The following IQCH variants were observed in gnomAD, a reference collection of about 807,000 sequenced individuals.
IQCH encodes the protein IQ domain-containing protein H.
In IQCH, 98 loss-of-function variants were observed where a neutral mutation model predicts 117.0. The observed-to-expected ratio is 0.84, with a 90% CI of 0.71 to 0.99. The LOEUF (loss-of-function observed/expected upper bound fraction) is 0.99, where lower values mean the gene tolerates loss of function less well. Ranked by LOEUF, IQCH falls within the 50% of genes least tolerant of loss-of-function variation. The pLI is 0.00. For missense variants in IQCH, 1,102 were observed against 1,243.8 expected, an observed-to-expected ratio of 0.89 and a Z score of 1.72; for synonymous variants, 412 against 448.2, an observed-to-expected ratio of 0.92 and a Z score of 1.02.
In IQCH at chr15:67,494,525, G is replaced by C. The variant is rs1247968615; in HGVS notation, c.2970+159G>C. On this transcript the variant is annotated intron_variant, in intron 20 of 20. Transcript: ENST00000335894. The surrounding 1 kb of genome is among the most constrained non-coding windows in gnomAD (Gnocchi z 5.5). ...TCAATACTGTAAGGTTCCCACTGAG[G>C]CTGTTAGTTAAATTTAATAGTTTGA... Among the ~76,000 whole-genome samples, 3 of 152,082 alleles carry C rather than the reference G, an allele frequency of 2.0e-5. No homozygotes were observed. Among genetic ancestry groups the C allele is most frequent in the Admixed American group, 1.3e-4 (2 of 15,252 alleles).
rs918577284 is a variant in IQCH at position 67,493,361 on chromosome 15, A to C, written c.2862-897A>C. On this transcript the variant is annotated intron_variant, in intron 19 of 20. Coordinates refer to ENST00000335894, the MANE Select transcript of IQCH (RefSeq NM_001031715.3). The surrounding 1 kb of genome is among the most constrained non-coding windows in gnomAD (Gnocchi z 5.1). ...TCACTATACCACAAAGCCTACACTGAGTGACCACCTTATATAGGGAGCCCT... is the reference window on the plus strand; with the variant it reads ...TCACTATACCACAAAGCCTACACTGCGTGACCACCTTATATAGGGAGCCCT... Among the ~76,000 whole-genome samples, 1 of 152,220 alleles carries C rather than the reference A, an allele frequency of 6.6e-6. No individual in the cohort carries two copies. Among genetic ancestry groups the C allele is most frequent in the Non-Finnish European group, 1.5e-5 (1 of 68,032 alleles).
chr15:67,330,937 C>T (rs1204759477), intron 4 of IQCH, among the ~76,000 whole-genome samples: 1 of 152,090 alleles, frequency 6.6e-6, no homozygotes, highest in Non-Finnish European at 1.5e-5. Context: ...AGGCTTACCC[C>T]CATCCAAGCC....
rs112871154 is a variant in IQCH, at chr15:67,348,355, T to TCTCA, written c.637+4165_637+4166insTCAC. On this transcript the variant is annotated intron_variant, in intron 6 of 20. Coordinates refer to ENST00000335894, the MANE Select transcript of IQCH (RefSeq NM_001031715.3). ...TTACTGCATAGAAATTCGCAAGCCA[T>TCTCA]CACACACACACACACACACACACAC... 2.7e-5 allele frequency among the ~76,000 whole-genome samples: 4 copies of TCTCA among 147,780 alleles called. 1 individual carries two copies. Among genetic ancestry groups the TCTCA allele is most frequent in the African/African-American group, 7.4e-5 (3 of 40,528 alleles).
At position 67,458,335 on chromosome 15, in the gene IQCH, C is replaced by T. The variant is rs1344006472; in HGVS notation, c.2506-6792C>T. Among the ~76,000 whole-genome samples the T allele has an allele frequency of 1.3e-5, 2 of 152,200 alleles. No individual in the cohort carries two copies. Among genetic ancestry groups the T allele is most frequent in the African/African-American group, 4.8e-5 (2 of 41,438 alleles). ...CCTTTGGCTCCTTTTTCTCATACTG[C>T]ACATCCAATCCATCAATAAGTCCTT... On this transcript the variant is annotated intron_variant, in intron 16 of 20. Coordinates refer to ENST00000335894, the MANE Select transcript of IQCH (RefSeq NM_001031715.3). This position sits in a 1 kb window ranked among gnomAD's most constrained non-coding sequence, Gnocchi z 4.1.
chr15:67,436,358 T>A lies in IQCH; in HGVS notation c.2505+14781T>A, dbSNP rs953876533. On this transcript the variant is annotated intron_variant, in intron 16 of 20. Transcript: ENST00000335894. This position sits in a 1 kb window ranked among gnomAD's most constrained non-coding sequence, Gnocchi z 5.1. ...GTTTCTCACTTTACCCGGAGCTGAGTCAATTTAGAGAGCCAAGGGAAATAC... is the reference window on the plus strand; with the variant it reads ...GTTTCTCACTTTACCCGGAGCTGAGACAATTTAGAGAGCCAAGGGAAATAC... Among the ~76,000 whole-genome samples, 1 of 151,848 alleles carries A rather than the reference T, an allele frequency of 6.6e-6. No homozygotes were observed. Among genetic ancestry groups the A allele is most frequent in the Non-Finnish European group, 1.5e-5 (1 of 67,982 alleles).
At position 67,436,292 on chromosome 15, in the gene IQCH, A is replaced by C. The variant is rs966501159; in HGVS notation, c.2505+14715A>C. On this transcript the variant is annotated intron_variant, in intron 16 of 20. Transcript: ENST00000335894. This position sits in a 1 kb window ranked among gnomAD's most constrained non-coding sequence, Gnocchi z 5.1. ...GGAGACCCTCCTCTCTCAAACACAC[A>C]CCCCCGCACTGGAGAAGCTGAAGGT... Among the ~76,000 whole-genome samples the C allele has an allele frequency of 2.6e-5, 4 of 151,724 alleles. No homozygotes were observed. The highest frequency in any genetic ancestry group is 6.6e-5 in the Admixed American group (1 of 15,238).
intron 5 of IQCH, among the ~76,000 whole-genome samples, chr15:67,339,244 TA>T (rs1343236105): frequency 2.6e-5 from 4 of 152,176 alleles, no homozygotes; most frequent in Non-Finnish European, 4.4e-5. Context: ...CATGGTGTTT[TA>T]TTAAACATGG....
Position 67,261,375 on chromosome 15 carries a change from G to C in IQCH, c.155G>C (p.Arg52Thr). The C allele has an allele frequency of 3.1e-6, 5 of 1,589,834 alleles. No individual in the cohort carries two copies. The highest frequency in any genetic ancestry group is 4.3e-6 in the Non-Finnish European group (5 of 1,173,306). ...CAGAGTCTTGAAACAGCAATCAAAA[G>C]GACTGAAGTGGGGTTAAGAGTAAGT... ...DIQSLETAIKRTEVGLRIHIE... is the reference protein window; with the variant it reads ...DIQSLETAIKTTEVGLRIHIE... Residue 52 changes from arginine to threonine, a missense_variant, in exon 2 of 21, where the codon AGG (arginine) becomes ACG (threonine). Arg to Thr is a moderately conservative substitution (Grantham distance 71). Transcript: ENST00000335894.
intron 3 of IQCH, among the ~76,000 whole-genome samples, chr15:67,269,249 C>A (rs571959643): frequency 1.3e-5 from 2 of 152,204 alleles, no homozygotes; most frequent in South Asian, 2.1e-4. Context: ...ACAAATTAAA[C>A]CACTATAATA....
chr15:67,362,050 T>C lies in IQCH; in HGVS notation c.753+2165T>C, dbSNP rs188516284. Among the ~76,000 whole-genome samples, 280 of 152,146 alleles carry C rather than the reference T, an allele frequency of 1.8e-3. 4 individuals carry two copies. The highest frequency in any genetic ancestry group is 6.6e-3 in the African/African-American group (273 of 41,538). On this transcript the variant is annotated intron_variant, in intron 8 of 20. Transcript: ENST00000335894. ...GGAGTACAGACCAACTTCATGAGTG[T>C]GTTTGCTTCTGGGAACAGGAAGAAA...
rs1009352753 is a variant in IQCH at position 67,356,328 on chromosome 15, G to T, written c.638-1017G>T. 1.3e-5 allele frequency among the ~76,000 whole-genome samples: 2 copies of T among 152,158 alleles called. No homozygotes were observed. The highest frequency in any genetic ancestry group is 4.8e-5 in the African/African-American group (2 of 41,444). On this transcript the variant is annotated intron_variant, in intron 6 of 20. Transcript: ENST00000335894. The surrounding 1 kb of genome is among the most constrained non-coding windows in gnomAD (Gnocchi z 5.3). ...GGGAAACCAGAGGGTTGTAAAAATG[G>T]GTTGATCAAATGCAACAAAGAAATC...
intron 1 of IQCH, among the ~76,000 whole-genome samples, chr15:67,259,914 A>G (rs1227863687): frequency 1.3e-5 from 2 of 152,230 alleles, no homozygotes; most frequent in African/African-American, 4.8e-5. Flanking sequence ...TTACATGACA[A>G]TTTGTGAAGA....
chr15:67,347,758 A>G (rs531941843), intron 6 of IQCH, among the ~76,000 whole-genome samples: 5 of 149,558 alleles, frequency 3.3e-5, no homozygotes, highest in African/African-American at 1.2e-4. Flanking sequence ...TAGATACAAA[A>G]GTCCTTCACA....
intron 4 of IQCH, among the ~76,000 whole-genome samples, chr15:67,323,239 ATTTTTTT>A (rs578260011): frequency 2.0e-5 from 2 of 98,904 alleles, no homozygotes; most frequent in Admixed American, 1.2e-4. Flanking sequence ...TTAGGGTTAC[ATTTTTTT>A]TTTTTTTTTT....
chr15:67,264,635 G>A (rs1420981505), intron 3 of IQCH, among the ~76,000 whole-genome samples: 1 of 152,094 alleles, frequency 6.6e-6, no homozygotes, highest in East Asian at 1.9e-4. Flanking sequence ...CAGTCATTTT[G>A]TAACCTAATC....
intron 16 of IQCH, among the ~76,000 whole-genome samples, chr15:67,464,577 A>T (rs1318360797): frequency 6.6e-6 from 1 of 152,186 alleles, no homozygotes; most frequent in Admixed American, 6.5e-5. Context: ...AAATAAGATT[A>T]CCCTTCACTC....
In IQCH at chr15:67,403,477, G is replaced by A. The variant is rs1378909806; in HGVS notation, c.2097+3172G>A. ...AACACACTCTATCATTTTTTTCTTG[G>A]TGACTTGGTACCAAGCCTATTCTCT... On this transcript the variant is annotated intron_variant, in intron 14 of 20. Coordinates refer to ENST00000335894, the MANE Select transcript of IQCH (RefSeq NM_001031715.3). The surrounding 1 kb of genome is among the most constrained non-coding windows in gnomAD (Gnocchi z 4.8). 6.6e-6 allele frequency: 1 copy of A among 151,742 alleles called. No homozygotes were observed. The highest frequency in any genetic ancestry group is 1.5e-5 in the Non-Finnish European group (1 of 67,898). The allele number at this position is 151,742 out of a possible 1,614,324, so 9.4% of individuals were successfully genotyped here.
Position 67,424,641 on chromosome 15 carries a change from G to T in IQCH, c.2505+3064G>T, listed in dbSNP as rs1340145777. On this transcript the variant is annotated intron_variant, in intron 16 of 20. Transcript: ENST00000335894. This position sits in a 1 kb window ranked among gnomAD's most constrained non-coding sequence, Gnocchi z 4.9. Reference sequence around the variant, plus strand: ...GTTCTAGCAGATGCTGGATGGTATTGCAAGGCTTTTGAAGAAGGAGCTCAA... The same window carrying T: ...GTTCTAGCAGATGCTGGATGGTATTTCAAGGCTTTTGAAGAAGGAGCTCAA... 6.6e-6 allele frequency among the ~76,000 whole-genome samples: 1 copy of T among 152,148 alleles called. No individual in the cohort carries two copies. Among genetic ancestry groups the T allele is most frequent in the Admixed American group, 6.5e-5 (1 of 15,280 alleles).
In IQCH at chr15:67,337,021, C is replaced by T. The variant is rs192587159; in HGVS notation, c.434C>T (p.Thr145Met). The change falls in exon 5 of 21, where the codon ACG becomes ATG. Residue 145 changes from threonine to methionine, a missense_variant. Thr to Met is a moderately conservative substitution (Grantham distance 81). Coordinates refer to ENST00000335894, the MANE Select transcript of IQCH (RefSeq NM_001031715.3). ...AAAGGGTCTAACATATCCAGCCTCA[C>T]GGTTCTGCCATCTTCTCATTGCACA... ...LIKGSNISSL[T>M]VLPSSHCTDP... 37 of 1,613,662 alleles carry T rather than the reference C, an allele frequency of 2.3e-5. No homozygotes were observed. The East Asian group carries it at 4.9e-4, about 21-fold the overall frequency.
Sources: gnomAD v4.1 joint callset for allele counts (sites outside exome capture counted in the v4.1 genomes callset) on GRCh38, gnomAD v4.1.1 for gene constraint, Gnocchi (gnomAD v3.1) non-coding constraint, MANE v1.5 for transcripts, NCBI Gene and HGNC (gene_info 2026-07-23, HGNC 2026-07-21) for gene names.